REL: variants seen among roughly 807,000 people sequenced by gnomAD.
REL encodes the protein REL proto-oncogene, NF-kB subunit.
REL carries 15 observed loss-of-function variants against 45.9 expected under a neutral mutation model. The ratio of observed to expected loss-of-function variants is 0.33; its 90% CI spans 0.22 to 0.50. The LOEUF (loss-of-function observed/expected upper bound fraction) is 0.50, where lower values mean the gene tolerates loss of function less well. REL is among the 20% of genes least tolerant of loss of function. The probability of loss-of-function intolerance (pLI) is 0.98; values close to 1 mark genes in which losing one functional copy is unlikely to be tolerated. For synonymous variants in REL, 239 were observed against 242.1 expected (o/e 0.99, Z 0.12); for missense variants, 601 against 715.2 (o/e 0.84, Z 1.82).
rs1023059838 is a variant in REL at position 60,894,383 on chromosome 2, C to T, written c.154-14C>T. Reference sequence around the variant, plus strand: ...TCTATTTGGATCATGTATTTAATTTCCCCCTTTTTTCAGATTATGAACTAT... The same window carrying T: ...TCTATTTGGATCATGTATTTAATTTTCCCCTTTTTTCAGATTATGAACTAT... On this transcript the variant is annotated splice_polypyrimidine_tract_variant and intron_variant, in intron 2 of 9. Coordinates refer to ENST00000394479, the MANE Select transcript of REL (RefSeq NM_001291746.2). The T allele has an allele frequency of 4.2e-6, 6 of 1,430,490 alleles. No homozygotes were observed. The highest frequency in any genetic ancestry group is 5.7e-6 in the Non-Finnish European group (6 of 1,056,132). The allele number at this position is 1,430,490 out of a possible 1,614,324, so 88.6% of individuals were successfully genotyped here.
intron 3 of REL, among the ~76,000 whole-genome samples, chr2:60,896,945 T>G (rs559003204): frequency 5.9e-5 from 9 of 152,218 alleles, no homozygotes; most frequent in African/African-American, 2.2e-4. Context: ...AATATTTTCA[T>G]GTTAACATGA....
intron 1 of REL, among the ~76,000 whole-genome samples, chr2:60,888,032 A>G (rs957021596): frequency 7.2e-5 from 11 of 151,816 alleles, no homozygotes; most frequent in African/African-American, 2.4e-4. Context: ...GGTTCAAGCA[A>G]TTCTCTTGCC....
chr2:60,883,924 G>A (rs1573308165), intron 1 of REL, among the ~76,000 whole-genome samples: 2 of 121,904 alleles, frequency 1.6e-5, no homozygotes, highest in South Asian at 5.2e-4. Context: ...TATTTAAATT[G>A]TAATTCAGTT....
intron 4 of REL, among the ~76,000 whole-genome samples, chr2:60,913,396 C>A (rs1308008902): frequency 1.3e-5 from 2 of 152,104 alleles, no homozygotes; most frequent in African/African-American, 4.8e-5. Flanking sequence ...AGAAAATTTT[C>A]TTCTGGCTAG....
intron 2 of REL, among the ~76,000 whole-genome samples, chr2:60,893,070 A>G (rs1381094513): frequency 2.0e-5 from 3 of 152,028 alleles, no homozygotes; most frequent in Non-Finnish European, 2.9e-5. Flanking sequence ...CTAAATTTCT[A>G]TTTTCTATTT....
At chr2:60,915,805 T>C (rs1024556012) in intron 4 of REL, among the ~76,000 whole-genome samples, 1 of 152,228 alleles carries the variant, frequency 6.6e-6, no homozygotes, top group African/African-American at 2.4e-5. Context: ...CAAACTATTA[T>C]ACTATATTCT....
At chr2:60,897,336 C>G (rs1673376292) in intron 3 of REL, among the ~76,000 whole-genome samples, 1 of 150,528 alleles carries the variant, frequency 6.6e-6, no homozygotes, top group African/African-American at 2.5e-5. Flanking sequence ...GAGACAGAGC[C>G]TTGCTCTGTT....
chr2:60,900,950 G>C, intron 3 of REL, 42 bp from the exon 4 acceptor site: 1 of 1,512,190 alleles, frequency 6.6e-7, no homozygotes, highest in Non-Finnish European at 9.1e-7. Context: ...AATATTCCTT[G>C]TGTTTATAAT....
In REL at chr2:60,918,379, T is replaced by C; in HGVS notation, c.641-15T>C. ...TGTTTTCCCATTTTTTTTTTTTTGG[T>C]TTCTTATTGACTAGATGACATAGAA... On this transcript the variant is annotated splice_polypyrimidine_tract_variant and intron_variant, in intron 6 of 9. Coordinates refer to ENST00000394479, the MANE Select transcript of REL (RefSeq NM_001291746.2). 1.3e-6 allele frequency: 2 copies of C among 1,591,956 alleles called. No individual in the cohort carries two copies. Among genetic ancestry groups the C allele is most frequent in the Non-Finnish European group, 1.7e-6 (2 of 1,169,502 alleles).
At chr2:60,899,399 A>T (rs1028408123) in intron 3 of REL, 3 of 152,114 alleles carry the variant, frequency 2.0e-5, no homozygotes, top group Non-Finnish European at 4.4e-5. Flanking sequence ...TGGGAGGATC[A>T]CCCGAGCCTG....
At chr2:60,910,339 C>T (rs900747287) in intron 4 of REL, among the ~76,000 whole-genome samples, 2 of 151,786 alleles carry the variant, frequency 1.3e-5, no homozygotes, top group East Asian at 3.9e-4. Context: ...GTGGCGGGCG[C>T]CTGTAGTCCC....
intron 4 of REL, among the ~76,000 whole-genome samples, chr2:60,904,969 C>T (rs908928761): frequency 1.3e-5 from 2 of 152,124 alleles, no homozygotes; most frequent in Non-Finnish European, 2.9e-5. Flanking sequence ...CATAGGGAGC[C>T]CCTGACTCTA....
At chr2:60,885,111 CAATG>C (rs1673039798) in intron 1 of REL, among the ~76,000 whole-genome samples, 1 of 152,134 alleles carries the variant, frequency 6.6e-6, no homozygotes, top group Non-Finnish European at 1.5e-5. Context: ...AGGAGCCAGA[CAATG>C]AATCATAATT....
At position 60,920,021 on chromosome 2, in the gene REL, C is replaced by A. The variant is rs1206934255; in HGVS notation, c.854-20C>A. 13 of 1,546,900 alleles carry A rather than the reference C, an allele frequency of 8.4e-6. No homozygotes were observed. Among genetic ancestry groups the A allele is most frequent in the Admixed American group, 1.8e-5 (1 of 54,338 alleles). ...AATCCTATAATTTTTTATCTGCTTT[C>A]CTGGTTTCTTTCTAATCAGATACTT... is the stretch of plus-strand genomic sequence containing the variant. On this transcript the variant is annotated intron_variant, in intron 7 of 9. Coordinates refer to ENST00000394479, the MANE Select transcript of REL (RefSeq NM_001291746.2).
intron 7 of REL, among the ~76,000 whole-genome samples, chr2:60,919,578 AC>A (rs1395914111): frequency 6.6e-6 from 1 of 152,016 alleles, no homozygotes; most frequent in African/African-American, 2.4e-5. Context: ...GGCATGCGCC[AC>A]CACACCCGAC....
intron 1 of REL, among the ~76,000 whole-genome samples, chr2:60,890,904 C>T (rs1673193078): frequency 6.6e-6 from 1 of 152,164 alleles, no homozygotes; most frequent in Non-Finnish European, 1.5e-5. Flanking sequence ...AGTATGTGCT[C>T]TTCTGGTCTA....
At chr2:60,894,631 A>G in intron 3 of REL, 86 bp downstream of exon 3, 2 of 1,091,526 alleles carry the variant, frequency 1.8e-6, no homozygotes, top group East Asian at 2.7e-5. Context: ...GTTACTTTTT[A>G]GCAGAATAAT....
In REL at chr2:60,927,490, A is replaced by T. The variant is rs576777962; in HGVS notation, c.*4955A>T. ...TCTAAAGTTTTTGGGATTATTTCAT[A>T]GCCCTGACCTTGCTACTTCTCTCCA... is the stretch of plus-strand genomic sequence containing the variant. On this transcript the variant is annotated 3_prime_UTR_variant, in exon 10 of 10. Coordinates refer to ENST00000394479, the MANE Select transcript of REL (RefSeq NM_001291746.2). 1.3e-5 allele frequency: 3 copies of T among 229,794 alleles called. No individual in the cohort carries two copies. The highest frequency in any genetic ancestry group is 3.6e-4 in the South Asian group (2 of 5,508). 14.2% of individuals were successfully genotyped at this position (229,794 alleles called of 1,614,324 possible). A position where few individuals can be genotyped will look rare whatever the true frequency, so the allele number is the denominator to read the frequency against.
chr2:60,901,050 A>G lies in REL; in HGVS notation c.361A>G (p.Thr121Ala). Residue 121 changes from threonine (T) to alanine (A), a missense_variant, in exon 4 of 10, where the codon ACA (threonine) becomes GCA (alanine). Thr to Ala is a moderately conservative substitution (Grantham distance 58). This residue lies in a region of REL where 241 missense variants were observed against 347.0 expected (regional missense o/e 0.69). Transcript: ENST00000394479. ...AAAAGAAGTAAAAGAAGCTATTATTACAAGAATAAAGGCAGGAATCAATCC... is the reference window on the plus strand; with the variant it reads ...AAAAGAAGTAAAAGAAGCTATTATTGCAAGAATAAAGGCAGGAATCAATCC... ...KKKEVKEAII[T>A]RIKAGINPFN... is the part of the protein sequence containing the mutation. 4 of 1,609,878 alleles carry G rather than the reference A, an allele frequency of 2.5e-6. No homozygotes were observed. Among genetic ancestry groups the G allele is most frequent in the Non-Finnish European group, 3.4e-6 (4 of 1,178,574 alleles).
Sources: allele counts gnomAD v4.1 joint callset (sites outside exome capture counted in the v4.1 genomes callset), GRCh38; gene constraint gnomAD v4.1.1; regional missense constraint gnomAD v4.1.1; transcripts MANE v1.5; gene names NCBI Gene and HGNC (gene_info 2026-07-23, HGNC 2026-07-21).